The following C8orf88 variants were observed in gnomAD, a reference collection of about 807,000 sequenced individuals.
The protein encoded by C8orf88 is chromosome 8 open reading frame 88.
Under a neutral mutation model 18.4 loss-of-function variants are expected in C8orf88, and 14 were observed. The observed-to-expected ratio is 0.76, with a 90% CI of 0.50 to 1.19. The LOEUF (loss-of-function observed/expected upper bound fraction) is 1.19. C8orf88 is among the 50% of genes most tolerant of loss of function. The pLI is 0.00. For missense variants in C8orf88, 116 were observed against 134.7 expected (o/e 0.86, Z 0.69); for synonymous variants, 45 against 42.9 (o/e 1.05, Z -0.19).
At chr8:90,961,368 T>C (rs1042128707) in intron 4 of C8orf88, among the ~76,000 whole-genome samples, 8 of 151,256 alleles carry the variant, frequency 5.3e-5, no homozygotes, top group Non-Finnish European at 8.9e-5. Flanking sequence ...TTCAAATATC[T>C]GCAGATTTCA....
At chr8:90,962,412 T>C (rs1269843314) in intron 4 of C8orf88, among the ~76,000 whole-genome samples, 1 of 151,460 alleles carries the variant, frequency 6.6e-6, no homozygotes, top group Non-Finnish European at 1.5e-5. Flanking sequence ...TAGAGAACTC[T>C]AAAAGTCTTT....
chr8:90,963,937 CA>C (rs892028602), intron 4 of C8orf88, among the ~76,000 whole-genome samples: 9 of 151,218 alleles, frequency 6.0e-5, no homozygotes, highest in Non-Finnish European at 1.0e-4. Flanking sequence ...AATTTAACAA[CA>C]AAAAAAGAAT....
intron 3 of C8orf88, among the ~76,000 whole-genome samples, chr8:90,977,195 C>T (rs890814994): frequency 1.3e-5 from 2 of 152,116 alleles, no homozygotes; most frequent in African/African-American, 4.8e-5. Flanking sequence ...CTCTACTTCA[C>T]AAGTAATAGA....
chr8:90,962,851 G>C (rs955789119), intron 4 of C8orf88, among the ~76,000 whole-genome samples: 3 of 151,600 alleles, frequency 2.0e-5, no homozygotes, highest in Non-Finnish European at 3.0e-5. Context: ...TTCCACCTGA[G>C]ACAAGGGATA....
At chr8:90,977,613 T>C (rs1187679074) in intron 3 of C8orf88, among the ~76,000 whole-genome samples, 2 of 152,142 alleles carry the variant, frequency 1.3e-5, no homozygotes, top group Non-Finnish European at 2.9e-5. Context: ...AATATACTTA[T>C]GGTTGTGCAT....
intron 4 of C8orf88, among the ~76,000 whole-genome samples, chr8:90,970,746 T>C (rs542268965): frequency 6.6e-6 from 1 of 152,022 alleles, no homozygotes; most frequent in East Asian, 1.9e-4. Flanking sequence ...ATGGAAGCCA[T>C]GTGTTGAGGA....
intron 3 of C8orf88, among the ~76,000 whole-genome samples, chr8:90,975,342 A>C (rs1307632408): frequency 6.6e-6 from 1 of 152,172 alleles, no homozygotes; most frequent in East Asian, 1.9e-4. Context: ...AAATCAACAG[A>C]TCATAATAGT....
intron 4 of C8orf88, 138 bp from the exon 5 acceptor site, chr8:90,960,986 A>G (rs1811119691): frequency 1.4e-5 from 6 of 419,432 alleles, no homozygotes; most frequent in Non-Finnish European, 2.1e-5. Context: ...GAGAAGGAGA[A>G]AAAAGGCTTT....
At chr8:90,959,338 G>A (rs953310331) in intron 5 of C8orf88, 4 of 168,404 alleles carry the variant, frequency 2.4e-5, no homozygotes, top group Non-Finnish European at 5.1e-5. Flanking sequence ...GTACAAGTTT[G>A]TTTTAAAAAG....
intron 4 of C8orf88, among the ~76,000 whole-genome samples, chr8:90,961,946 GAC>G (rs1811134390): frequency 6.6e-6 from 1 of 151,396 alleles, no homozygotes; most frequent in African/African-American, 2.4e-5. Context: ...GTCTGCAAGA[GAC>G]ACATATTAAA....
At chr8:90,982,892 AATT>A (rs1811453992) in intron 1 of C8orf88, among the ~76,000 whole-genome samples, 1 of 152,156 alleles carries the variant, frequency 6.6e-6, no homozygotes, top group Admixed American at 6.5e-5. Context: ...TATAAAAAGT[AATT>A]ATTATTGTAA....
At position 90,958,762 on chromosome 8, in the gene C8orf88, T is replaced by G. The variant is rs998168213; in HGVS notation, c.*245A>C. On this transcript the variant is annotated 3_prime_UTR_variant, in exon 6 of 6. Transcript: ENST00000517562. The stretch of plus-strand genomic sequence containing the variant: ...AATTATAAATATACAGTCTTCCCAC[T>G]TCACTAACCAAATTCCTACTTTCCA... The G allele has an allele frequency of 2.4e-6, 1 of 408,240 alleles. No homozygotes were observed. The highest frequency in any genetic ancestry group is 2.1e-5 in the African/African-American group (1 of 47,214). 25.3% of individuals were successfully genotyped at this position (408,240 alleles called of 1,614,324 possible).
At chr8:90,959,854 T>C (rs537627725) in intron 5 of C8orf88, among the ~76,000 whole-genome samples, 1 of 151,310 alleles carries the variant, frequency 6.6e-6, no homozygotes, top group Non-Finnish European at 1.5e-5. Context: ...AAAACTCTAA[T>C]AGGAAGTTAA....
chr8:90,958,951 G>C lies in C8orf88; in HGVS notation c.*56C>G. 1 of 1,091,820 alleles carries C rather than the reference G, an allele frequency of 9.2e-7. No individual in the cohort carries two copies. Among genetic ancestry groups the C allele is most frequent in the Non-Finnish European group, 1.3e-6 (1 of 768,484 alleles). 67.6% of individuals were successfully genotyped at this position (1,091,820 alleles called of 1,614,324 possible). A position where few individuals can be genotyped will look rare whatever the true frequency, so the allele number is the denominator to read the frequency against. On this transcript the variant is annotated 3_prime_UTR_variant, in exon 6 of 6. Transcript: ENST00000517562. ...GTCACAGTCCATTACAGTTATTGTTGCTAGATCCACCTCATTTGCAGATGT... is the reference window on the plus strand; with the variant it reads ...GTCACAGTCCATTACAGTTATTGTTCCTAGATCCACCTCATTTGCAGATGT...
intron 3 of C8orf88, among the ~76,000 whole-genome samples, chr8:90,972,491 A>T (rs1489800969): frequency 1.3e-5 from 2 of 152,066 alleles, no homozygotes; most frequent in Non-Finnish European, 2.9e-5. Flanking sequence ...ACATCTACTT[A>T]AATGCAAGAT....
At chr8:90,969,931 G>A (rs1811260158) in intron 4 of C8orf88, among the ~76,000 whole-genome samples, 1 of 151,888 alleles carries the variant, frequency 6.6e-6, no homozygotes, top group Non-Finnish European at 1.5e-5. Context: ...TAGGATAATG[G>A]AGTATTCTGA....
chr8:90,967,736 T>C (rs1263996642), intron 4 of C8orf88, among the ~76,000 whole-genome samples: 4 of 151,800 alleles, frequency 2.6e-5, no homozygotes, highest in Admixed American at 2.6e-4. Context: ...CATAATGTTT[T>C]TCATTTTCAT....
At chr8:90,980,941 C>A (rs1268272376) in intron 1 of C8orf88, among the ~76,000 whole-genome samples, 1 of 152,112 alleles carries the variant, frequency 6.6e-6, no homozygotes, top group East Asian at 1.9e-4. Flanking sequence ...TCGATTGTCT[C>A]TTCTAACTTC....
chr8:90,965,519 A>G (rs1028391650), intron 4 of C8orf88, among the ~76,000 whole-genome samples: 1 of 151,768 alleles, frequency 6.6e-6, no homozygotes, highest in Non-Finnish European at 1.5e-5. Context: ...AATTACATAT[A>G]TACAACACTT....
Sources: gnomAD v4.1 joint callset for allele counts (sites outside exome capture counted in the v4.1 genomes callset) on GRCh38, gnomAD v4.1.1 for gene constraint, MANE v1.5 for transcripts, NCBI Gene and HGNC (gene_info 2026-07-23, HGNC 2026-07-21) for gene names.